Variants in COLEC12 observed in about 807,000 individuals in gnomAD.
The protein encoded by COLEC12 is collectin subfamily member 12.
COLEC12 carries 33 observed loss-of-function variants against 71.1 expected under a neutral mutation model. That is an observed-to-expected ratio of 0.46 (90% CI 0.35 to 0.62). The LOEUF (loss-of-function observed/expected upper bound fraction) is 0.62. COLEC12 is among the 20% of genes least tolerant of loss of function. COLEC12 has a pLI of 0.00. For missense variants in COLEC12, 765 were observed against 916.1 expected (o/e 0.84, Z 2.13); for synonymous variants, 350 against 353.0 (o/e 0.99, Z 0.10).
chr18:334,466 A>T (rs755298044), intron 6 of COLEC12: 1 of 241,202 alleles, frequency 4.1e-6, no homozygotes, highest in Non-Finnish European at 7.9e-6. Context: ...CCTCTCTACT[A>T]AAAATACAAA....
chr18:434,846 A>G (rs1043097786), intron 2 of COLEC12, among the ~76,000 whole-genome samples: 2 of 152,122 alleles, frequency 1.3e-5, no homozygotes, highest in South Asian at 4.1e-4. Flanking sequence ...ATTTTAGCCT[A>G]AACCACTTTT....
intron 5 of COLEC12, among the ~76,000 whole-genome samples, chr18:338,733 T>G (rs191090761): frequency 5.9e-5 from 9 of 152,312 alleles, no homozygotes; most frequent in Admixed American, 2.6e-4. Flanking sequence ...GGTGAAGGTG[T>G]CACGTATGTT....
intron 2 of COLEC12, among the ~76,000 whole-genome samples, chr18:360,991 A>T (rs1914732265): frequency 6.6e-6 from 1 of 152,014 alleles, no homozygotes; most frequent in Admixed American, 6.6e-5. Context: ...AACTTTTCTT[A>T]TTGTACTCAA....
intron 2 of COLEC12, among the ~76,000 whole-genome samples, chr18:463,511 G>A (rs1598372941): frequency 6.6e-6 from 1 of 152,270 alleles, no homozygotes; most frequent in East Asian, 1.9e-4. Context: ...AATGAAAGGT[G>A]GCAGCATGTG....
At chr18:476,366 G>C (rs1296496517) in intron 2 of COLEC12, among the ~76,000 whole-genome samples, 1 of 152,142 alleles carries the variant, frequency 6.6e-6, no homozygotes, top group Admixed American at 6.5e-5. Context: ...TTCTGTCAAA[G>C]CTTTGTTTGT....
intron 2 of COLEC12, among the ~76,000 whole-genome samples, chr18:453,546 G>A (rs1598369130): frequency 3.3e-5 from 5 of 152,236 alleles, no homozygotes; most frequent in Admixed American, 3.3e-4. Context: ...AGCGCTAAAT[G>A]CTAAGTTCTC....
At chr18:390,987 C>A (rs552336550) in intron 2 of COLEC12, among the ~76,000 whole-genome samples, 29 of 152,280 alleles carry the variant, frequency 1.9e-4, no homozygotes, top group Non-Finnish European at 3.4e-4. Context: ...CAGCTGTGGG[C>A]AGCTGTGTGC....
intron 2 of COLEC12, among the ~76,000 whole-genome samples, chr18:368,070 C>T (rs1341732770): frequency 5.9e-5 from 9 of 152,140 alleles, no homozygotes; most frequent in Non-Finnish European, 1.5e-5. Flanking sequence ...AGTCAGAAGG[C>T]ATGCAATGAA....
chr18:356,050 T>C (rs1297624555), intron 3 of COLEC12, among the ~76,000 whole-genome samples: 2 of 152,194 alleles, frequency 1.3e-5, no homozygotes, highest in African/African-American at 4.8e-5. Context: ...TTTCCACGTA[T>C]ATGGCCTTAG....
rs115407442 is a variant in COLEC12 at position 338,627 on chromosome 18, G to A, written c.1328-3397C>T. Among the ~76,000 whole-genome samples the A allele has an allele frequency of 8.2e-3, 1,243 of 152,252 alleles. 16 individuals carry two copies. The highest frequency in any genetic ancestry group is 0.028 in the African/African-American group (1,173 of 41,556). The stretch of plus-strand genomic sequence containing the variant: ...TAGCCTATGCCATTTAGTAAAGATC[G>A]GGAAGGTAGACTTTTTGCTGCCAGA... On this transcript the variant is annotated intron_variant, in intron 5 of 9. Transcript: ENST00000400256.
intron 2 of COLEC12, among the ~76,000 whole-genome samples, chr18:400,590 C>T (rs756829128): frequency 3.9e-5 from 6 of 152,132 alleles, no homozygotes; most frequent in African/African-American, 9.7e-5. Flanking sequence ...CCAGAGGTTG[C>T]GCAGAGATCT....
chr18:342,288 AAAAT>A (rs1219735011), intron 5 of COLEC12, among the ~76,000 whole-genome samples: 1 of 152,200 alleles, frequency 6.6e-6, no homozygotes, highest in Admixed American at 6.5e-5. Flanking sequence ...AAACTCCCAA[AAAAT>A]AAGGTTTTCT....
At chr18:476,144 A>G (rs1283347738) in intron 2 of COLEC12, among the ~76,000 whole-genome samples, 5 of 152,220 alleles carry the variant, frequency 3.3e-5, no homozygotes, top group Non-Finnish European at 7.3e-5. Flanking sequence ...AAGACATCTG[A>G]TACCCCGTTT....
chr18:386,131 C>A (rs1915341386), intron 2 of COLEC12, among the ~76,000 whole-genome samples: 1 of 152,060 alleles, frequency 6.6e-6, no homozygotes, highest in Non-Finnish European at 1.5e-5. Context: ...TCAGTTTGAC[C>A]CTTGAGGGAT....
chr18:391,303 T>C (rs757919463), intron 2 of COLEC12, among the ~76,000 whole-genome samples: 4 of 152,202 alleles, frequency 2.6e-5, no homozygotes, highest in African/African-American at 9.6e-5. Flanking sequence ...TGAGTGGTAC[T>C]GTGTGTGCGC....
chr18:467,940 T>C (rs190320443), intron 2 of COLEC12, among the ~76,000 whole-genome samples: 231 of 152,208 alleles, frequency 1.5e-3, no homozygotes, highest in Middle Eastern at 0.014. Context: ...TTTTGAATTG[T>C]TGGAATAAGG....
intron 2 of COLEC12, among the ~76,000 whole-genome samples, chr18:442,858 G>A (rs980134124): frequency 1.3e-5 from 2 of 152,260 alleles, no homozygotes; most frequent in Non-Finnish European, 2.9e-5. Flanking sequence ...CTACTCAGGA[G>A]GCTGAGGCAG....
At chr18:495,911 T>C (rs1917703735) in intron 1 of COLEC12, among the ~76,000 whole-genome samples, 1 of 152,226 alleles carries the variant, frequency 6.6e-6, no homozygotes, top group Non-Finnish European at 1.5e-5. Flanking sequence ...TAAGTTTTCC[T>C]ATCATAAAAT....
At chr18:449,445 G>A (rs72865608) in intron 2 of COLEC12, among the ~76,000 whole-genome samples, 14,231 of 152,206 alleles carry the variant, frequency 0.093, 759 homozygotes, top group African/African-American at 0.14. Context: ...AAGGAGACCT[G>A]CAACATAATG....
Sources: allele counts gnomAD v4.1 joint callset (sites outside exome capture counted in the v4.1 genomes callset), GRCh38; gene constraint gnomAD v4.1.1; transcripts MANE v1.5; gene names NCBI Gene and HGNC (gene_info 2026-07-23, HGNC 2026-07-21).